ZNF385D: variants seen among roughly 807,000 people sequenced by gnomAD.
ZNF385D encodes zinc finger protein 385D, also known as zinc finger protein 659.
A neutral mutation model predicts 35.8 loss-of-function variants in ZNF385D; 15 were observed. That is an observed-to-expected ratio of 0.42 (90% confidence interval 0.28 to 0.64). ZNF385D has a LOEUF of 0.64. Among genes scored for constraint, ZNF385D ranks in the 30% least tolerant of loss-of-function variants. The probability of loss-of-function intolerance (pLI) is 0.23; values close to 1 mark genes in which losing one functional copy is unlikely to be tolerated. For synonymous variants in ZNF385D, 212 were observed against 186.8 expected (o/e 1.13, Z -1.10); for missense variants, 474 against 494.6 (o/e 0.96, Z 0.39).
At chr3:22,070,183 A>G (rs1418372841) in intron 3 of ZNF385D, among the ~76,000 whole-genome samples, 1 of 152,134 alleles carries the variant, frequency 6.6e-6, no homozygotes, top group Non-Finnish European at 1.5e-5. Flanking sequence ...AGCATTATCT[A>G]CTCACATGTT....
intron 2 of ZNF385D, among the ~76,000 whole-genome samples, chr3:22,226,086 G>A (rs1417984534): frequency 1.3e-5 from 2 of 151,672 alleles, no homozygotes; most frequent in African/African-American, 2.4e-5. Flanking sequence ...AACTATATGT[G>A]GAAAAGAATC....
At chr3:21,458,050 A>G (rs1439183351) in intron 4 of ZNF385D, among the ~76,000 whole-genome samples, 1 of 152,154 alleles carries the variant, frequency 6.6e-6, no homozygotes, top group East Asian at 1.9e-4. Context: ...ACAACAAAAC[A>G]TTCAGCAGCT....
intron 3 of ZNF385D, among the ~76,000 whole-genome samples, chr3:22,046,743 T>C (rs1699027928): frequency 6.6e-6 from 1 of 152,168 alleles, no homozygotes; most frequent in Non-Finnish European, 1.5e-5. Flanking sequence ...GTCATCTTGA[T>C]CATTATTTCA....
intron 3 of ZNF385D, among the ~76,000 whole-genome samples, chr3:21,521,282 A>G (rs185150806): frequency 6.6e-6 from 1 of 152,318 alleles, no homozygotes; most frequent in Non-Finnish European, 1.5e-5. Context: ...CAAGACCACA[A>G]GTAACTTCTA....
At chr3:22,183,354 T>G (rs915177263) in intron 2 of ZNF385D, among the ~76,000 whole-genome samples, 10 of 152,276 alleles carry the variant, frequency 6.6e-5, no homozygotes, top group Middle Eastern at 3.4e-3. Flanking sequence ...ATTTATTTAC[T>G]TATTTTTTTA....
intron 3 of ZNF385D, among the ~76,000 whole-genome samples, chr3:22,097,044 T>C (rs764409003): frequency 2.6e-5 from 4 of 152,056 alleles, no homozygotes; most frequent in Admixed American, 1.3e-4. Flanking sequence ...AGAGGATCTC[T>C]AGGAGAAAGT....
Position 22,360,045 on chromosome 3 carries a change from G to A in ZNF385D, c.106+12405C>T, listed in dbSNP as rs553237873. On this transcript the variant is annotated intron_variant, in intron 2 of 5. Coordinates refer to the ZNF385D transcript ENST00000494108. ...AGAAACAGCTTTGGCTGGGATTACC[G>A]TGATTATTAAAGCTGTAGGCACTTG... 2.1e-3 allele frequency among the ~76,000 whole-genome samples: 324 copies of A among 151,970 alleles called. 1 individual carries two copies. Among genetic ancestry groups the A allele is most frequent in the Admixed American group, 5.7e-3 (87 of 15,238 alleles).
intron 3 of ZNF385D, among the ~76,000 whole-genome samples, chr3:21,931,916 C>T (rs926075724): frequency 6.6e-6 from 1 of 151,798 alleles, no homozygotes; most frequent in Non-Finnish European, 1.5e-5. Context: ...AATCCCAGCA[C>T]TTTGGGATGC....
chr3:22,213,829 A>G (rs1697680270), intron 2 of ZNF385D, among the ~76,000 whole-genome samples: 1 of 152,062 alleles, frequency 6.6e-6, no homozygotes, highest in African/African-American at 2.4e-5. Context: ...ACTAATTAAA[A>G]TCCTAAGTCC....
chr3:21,989,166 C>G (rs540566923), intron 3 of ZNF385D, among the ~76,000 whole-genome samples: 2 of 152,312 alleles, frequency 1.3e-5, no homozygotes, highest in East Asian at 3.9e-4. Flanking sequence ...ATTCGGCCAT[C>G]TTGGCTCCTC....
At chr3:21,864,963 A>G (rs944993909) in intron 3 of ZNF385D, among the ~76,000 whole-genome samples, 31 of 143,230 alleles carry the variant, frequency 2.2e-4, no homozygotes, top group African/African-American at 7.5e-4. Flanking sequence ...AATGGCCTGG[A>G]GCAGCCAACC....
chr3:22,284,392 G>A (rs190837536), intron 2 of ZNF385D, among the ~76,000 whole-genome samples: 2 of 151,756 alleles, frequency 1.3e-5, no homozygotes, highest in African/African-American at 4.8e-5. Flanking sequence ...GAGTTTCACC[G>A]TGTTAGCCAG....
intron 3 of ZNF385D, among the ~76,000 whole-genome samples, chr3:21,895,749 A>G (rs554546554): frequency 3.5e-4 from 53 of 152,160 alleles, no homozygotes; most frequent in African/African-American, 1.2e-3. Context: ...TAGGGGATTC[A>G]ACTAGGTAAT....
At position 22,205,712 on chromosome 3, in the gene ZNF385D, T is replaced by G. The variant is rs554755609; in HGVS notation, c.107-36677A>C. Among the ~76,000 whole-genome samples, 21 of 152,116 alleles carry G rather than the reference T, an allele frequency of 1.4e-4. No homozygotes were observed. The South Asian group carries it at 4.4e-3, about 32-fold the overall frequency. ...TAAAATATGGGTTACAAGATATTATTTGCAAGCCCCATGGTAACTCCACAT... is the reference window on the plus strand; with the variant it reads ...TAAAATATGGGTTACAAGATATTATGTGCAAGCCCCATGGTAACTCCACAT... On this transcript the variant is annotated intron_variant, in intron 2 of 5. Transcript: ENST00000494108.
intron 2 of ZNF385D, among the ~76,000 whole-genome samples, chr3:22,239,169 C>A (rs1445750388): frequency 6.6e-6 from 1 of 151,070 alleles, no homozygotes; most frequent in Admixed American, 6.6e-5. Context: ...CTGCTTTTTT[C>A]TAGAACAAGA....
intron 3 of ZNF385D, among the ~76,000 whole-genome samples, chr3:21,799,111 C>A (rs2072283639): frequency 6.6e-6 from 1 of 152,154 alleles, no homozygotes; most frequent in Non-Finnish European, 1.5e-5. Context: ...GGTTCATCCA[C>A]ACTGTAGCAT....
chr3:22,121,590 T>C (rs894382241), intron 3 of ZNF385D, among the ~76,000 whole-genome samples: 1 of 151,502 alleles, frequency 6.6e-6, no homozygotes, highest in African/African-American at 2.4e-5. Context: ...AAAGCACAAA[T>C]GCAAAACAAA....
intron 2 of ZNF385D, among the ~76,000 whole-genome samples, chr3:22,186,471 C>A (rs182247477): frequency 6.6e-6 from 1 of 152,296 alleles, no homozygotes; most frequent in African/African-American, 2.4e-5. Context: ...TGGCTAGTGG[C>A]ATGACCATCT....
At chr3:22,123,954 C>CTATATATA (rs1423473279) in intron 3 of ZNF385D, among the ~76,000 whole-genome samples, 3 of 93,766 alleles carry the variant, frequency 3.2e-5, no homozygotes, top group African/African-American at 7.4e-5. Flanking sequence ...CTCTCTCTCT[C>CTATATATA]TCTCTCTCTA....
Sources: allele counts gnomAD v4.1 joint callset (sites outside exome capture counted in the v4.1 genomes callset), GRCh38; gene constraint gnomAD v4.1.1; transcripts MANE v1.5; gene names NCBI Gene and HGNC (gene_info 2026-07-23, HGNC 2026-07-21).